Variants in TXNDC16 observed in about 807,000 individuals in gnomAD.
TXNDC16 encodes thioredoxin domain-containing protein 16.
In TXNDC16, 74 loss-of-function variants were observed where a neutral mutation model predicts 85.6. The ratio of observed to expected loss-of-function variants is 0.86; its 90% CI spans 0.72 to 1.05. TXNDC16 has a LOEUF of 1.05. Among genes scored for constraint, TXNDC16 ranks in the 50% least tolerant of loss-of-function variants. The pLI, the probability that TXNDC16 is intolerant of heterozygous loss-of-function variation, is 0.00. For synonymous variants in TXNDC16, 335 were observed against 326.5 expected, an observed-to-expected ratio of 1.03 and a Z score of -0.28; for missense variants, 959 against 947.0, an observed-to-expected ratio of 1.01 and a Z score of -0.17.
intron 9 of TXNDC16, among the ~76,000 whole-genome samples, chr14:52,508,772 T>C (rs2036880535): frequency 6.6e-6 from 1 of 152,176 alleles, no homozygotes; most frequent in South Asian, 2.1e-4. Context: ...TGTAGGGACA[T>C]GGATGAAGCT....
intron 18 of TXNDC16, among the ~76,000 whole-genome samples, chr14:52,442,745 C>A (rs539775234): frequency 6.6e-6 from 1 of 152,020 alleles, no homozygotes; most frequent in Non-Finnish European, 1.5e-5. Context: ...ATTGACAGAT[C>A]TTTTATTGAA....
chr14:52,543,504 G>A lies in TXNDC16; in HGVS notation c.54C>T (p.Cys18=). 6.2e-7 allele frequency: 1 copy of A among 1,613,672 alleles called. No individual in the cohort carries two copies. The stretch of plus-strand genomic sequence containing the variant: ...AGTTTACTGTTGGCATGTAAAAAAT[G>A]CACATTATGACAAAAGAGATCCCAA... ...FRVGISFVIM[C]IFYMPTVNSL... The change falls in exon 3 of 21, where the codon TGC becomes TGT. Residue 18 remains cysteine, a synonymous_variant. Transcript: ENST00000281741.
At chr14:52,518,016 T>C (rs2140191065) in intron 7 of TXNDC16, among the ~76,000 whole-genome samples, 1 of 152,348 alleles carries the variant, frequency 6.6e-6, no homozygotes, top group African/African-American at 2.4e-5. Flanking sequence ...TTGGCACTTC[T>C]GACGTTAAAT....
intron 9 of TXNDC16, among the ~76,000 whole-genome samples, chr14:52,500,412 T>C (rs1185493321): frequency 6.6e-6 from 1 of 152,126 alleles, no homozygotes; most frequent in East Asian, 1.9e-4. Flanking sequence ...ATCAAACTCA[T>C]ACGAATGGAA....
At chr14:52,499,147 C>G (rs541772235) in intron 9 of TXNDC16, among the ~76,000 whole-genome samples, 111 of 152,236 alleles carry the variant, frequency 7.3e-4, no homozygotes, top group Non-Finnish European at 6.6e-4. Flanking sequence ...GGACCCTTAT[C>G]TCACAGCATA....
chr14:52,525,608 G>A (rs1014783897), intron 6 of TXNDC16, among the ~76,000 whole-genome samples: 5 of 151,392 alleles, frequency 3.3e-5, no homozygotes, highest in African/African-American at 2.4e-5. Flanking sequence ...TGAGGCAGGA[G>A]AACTGCTTGA....
chr14:52,454,763 C>CT (rs984250372), intron 18 of TXNDC16, among the ~76,000 whole-genome samples: 3 of 151,606 alleles, frequency 2.0e-5, no homozygotes, highest in Admixed American at 1.3e-4. Flanking sequence ...TTGCAGAGAG[C>CT]TGAGATCACA....
chr14:52,472,107 G>C (rs925399986), intron 14 of TXNDC16, among the ~76,000 whole-genome samples: 1 of 151,096 alleles, frequency 6.6e-6, no homozygotes, highest in African/African-American at 2.4e-5. Context: ...AAAGATTCTT[G>C]ATTACTTCTC....
At chr14:52,483,060 TA>T in intron 12 of TXNDC16, 95 bp from the exon 13 acceptor site, 5 of 1,062,170 alleles carry the variant, frequency 4.7e-6, no homozygotes, top group Non-Finnish European at 6.4e-6. Flanking sequence ...TTCAGTACTT[TA>T]TACAAACTTT....
intron 14 of TXNDC16, among the ~76,000 whole-genome samples, chr14:52,481,926 T>C (rs1332296008): frequency 6.6e-6 from 1 of 152,066 alleles, no homozygotes; most frequent in Non-Finnish European, 1.5e-5. Context: ...TGGCACAGAG[T>C]AGGCACTCAT....
Position 52,466,212 on chromosome 14 carries a change from A to G in TXNDC16, c.1618+3825T>C, listed in dbSNP as rs534286066. ...CATGGCATACAAAGAAAAAAAAACC[A>G]TAGAACCCCATCTCTACTAAAAATA... On this transcript the variant is annotated intron_variant, in intron 16 of 20. Coordinates refer to ENST00000281741, the MANE Select transcript of TXNDC16 (RefSeq NM_020784.3). 1.3e-4 allele frequency among the ~76,000 whole-genome samples: 20 copies of G among 151,684 alleles called. No individual in the cohort carries two copies. The East Asian group carries it at 2.5e-3, about 19-fold the overall frequency.
intron 1 of TXNDC16, among the ~76,000 whole-genome samples, chr14:52,550,137 C>A (rs1338666224): frequency 2.0e-5 from 3 of 152,152 alleles, no homozygotes; most frequent in Non-Finnish European, 4.4e-5. Flanking sequence ...AAATTAATGG[C>A]TTTTCCTCTC....
intron 6 of TXNDC16, among the ~76,000 whole-genome samples, chr14:52,527,336 G>A (rs528138501): frequency 1.1e-4 from 17 of 152,314 alleles, no homozygotes; most frequent in Admixed American, 3.3e-4. Context: ...AGGACACCCC[G>A]CTGATGTCAG....
At chr14:52,503,351 G>A (rs944522300) in intron 9 of TXNDC16, among the ~76,000 whole-genome samples, 5 of 152,168 alleles carry the variant, frequency 3.3e-5, no homozygotes, top group African/African-American at 9.7e-5. Flanking sequence ...ACCTCACATG[G>A]CCAGGTACTC....
intron 14 of TXNDC16, among the ~76,000 whole-genome samples, chr14:52,477,655 T>C (rs1196096423): frequency 1.3e-5 from 2 of 152,042 alleles, no homozygotes; most frequent in Non-Finnish European, 2.9e-5. Flanking sequence ...GCACCTAACA[T>C]TGGAGCGCCT....
At chr14:52,464,301 T>C (rs1221666664) in intron 16 of TXNDC16, among the ~76,000 whole-genome samples, 1 of 152,248 alleles carries the variant, frequency 6.6e-6, no homozygotes, top group Non-Finnish European at 1.5e-5. Flanking sequence ...TTCTAGTTGC[T>C]ACCAGATTGC....
At chr14:52,498,010 A>G (rs1566561429) in intron 9 of TXNDC16, among the ~76,000 whole-genome samples, 1 of 152,200 alleles carries the variant, frequency 6.6e-6, no homozygotes, top group Non-Finnish European at 1.5e-5. Context: ...AATTAATGTA[A>G]TACTGTACAC....
At chr14:52,473,744 A>T (rs1011047361) in intron 14 of TXNDC16, among the ~76,000 whole-genome samples, 2 of 152,228 alleles carry the variant, frequency 1.3e-5, no homozygotes, top group Admixed American at 6.5e-5. Context: ...AGATACAGGT[A>T]TTATGTAAGT....
At position 52,464,582 on chromosome 14, in the gene TXNDC16, AAC is replaced by A. The variant is rs551684596; in HGVS notation, c.1618+5453_1618+5454del. 1.3e-4 allele frequency among the ~76,000 whole-genome samples: 20 copies of A among 152,312 alleles called. No homozygotes were observed. In the East Asian group the frequency reaches 3.9e-3, roughly 29 times the overall value. On this transcript the variant is annotated intron_variant, in intron 16 of 20. Coordinates refer to ENST00000281741, the MANE Select transcript of TXNDC16 (RefSeq NM_020784.3). The stretch of plus-strand genomic sequence containing the variant: ...AAAGGGAAGGAAGGTGGAGGAGTAA[AAC>A]ACAGACTTACTTCCCAATTTTTCAT...
Sources: gnomAD v4.1 joint callset for allele counts (sites outside exome capture counted in the v4.1 genomes callset) on GRCh38, gnomAD v4.1.1 for gene constraint, MANE v1.5 for transcripts, NCBI Gene and HGNC (gene_info 2026-07-23, HGNC 2026-07-21) for gene names.